NFILZ: variants seen among roughly 807,000 people sequenced by gnomAD.
NFILZ encodes NFIL3 like basic leucine zipper.
chr19:8,642,315 A>C (rs1315758965), intron 3 of NFILZ, among the ~76,000 whole-genome samples: 1 of 152,134 alleles, frequency 6.6e-6, no homozygotes, highest in African/African-American at 2.4e-5. Context: ...GATCACATGC[A>C]TGTCTTTGCC....
intron 3 of NFILZ, among the ~76,000 whole-genome samples, chr19:8,636,884 G>T (rs140866234): frequency 6.6e-6 from 1 of 152,120 alleles, no homozygotes; most frequent in African/African-American, 2.4e-5. Flanking sequence ...TAGCCATTGC[G>T]CCTGGCCTAT....
chr19:8,661,496 G>A (rs2043031804), intron 3 of NFILZ, among the ~76,000 whole-genome samples: 1 of 152,166 alleles, frequency 6.6e-6, no homozygotes, highest in Non-Finnish European at 1.5e-5. Context: ...TGTATGAGCT[G>A]ATGGGTTTGT....
chr19:8,678,091 T>TTCATTAGTTTATCCATCCCCATCCA lies in NFILZ; in HGVS notation c.*458_*459insATTAGTTTATCCATCCCCATCCATC, dbSNP rs2043122880. Among the ~76,000 whole-genome samples the TTCATTAGTTTATCCATCCCCATCCA allele has an allele frequency of 2.4e-4, 1 of 4,148 alleles. No individual in the cohort carries two copies. Among genetic ancestry groups the TTCATTAGTTTATCCATCCCCATCCA allele is most frequent in the Admixed American group, 2.3e-3 (1 of 440 alleles). The allele number at this position is 4,148 out of a possible 152,430, so 2.7% of individuals were successfully genotyped here. A position where few individuals can be genotyped will look rare whatever the true frequency, so the allele number is the denominator to read the frequency against. On this transcript the variant is annotated 3_prime_UTR_variant, in exon 6 of 6. Coordinates refer to ENST00000691075, the MANE Select transcript of NFILZ (RefSeq NM_001378600.1). ...ATCCATCCATCAATCCATCCATCCA[T>TTCATTAGTTTATCCATCCCCATCCA]TCCATCCATCCATCCATCCATCCAT...
chr19:8,667,085 C>T (rs1158616563), intron 3 of NFILZ, among the ~76,000 whole-genome samples: 1 of 151,966 alleles, frequency 6.6e-6, no homozygotes, highest in Admixed American at 6.6e-5. Context: ...TCCCACCCTG[C>T]CCTGTCAGGG....
In NFILZ at chr19:8,678,151, G is replaced by GTCCATCCATCCATCCACTTGTCCGTCCA. The variant is rs2043125823; in HGVS notation, c.*532_*533insCTTGTCCGTCCATCCATCCATCCATCCA. On this transcript the variant is annotated 3_prime_UTR_variant, in exon 6 of 6. Transcript: ENST00000691075. ...CCTCCATCCATTCATCCACTTGTCC[G>GTCCATCCATCCATCCACTTGTCCGTCCA]TCCATCCATCCATCCATCCATCCAT... is the stretch of plus-strand genomic sequence containing the variant. Among the ~76,000 whole-genome samples the GTCCATCCATCCATCCACTTGTCCGTCCA allele has an allele frequency of 2.0e-5, 1 of 48,970 alleles. No homozygotes were observed. Among genetic ancestry groups the GTCCATCCATCCATCCACTTGTCCGTCCA allele is most frequent in the Non-Finnish European group, 3.7e-5 (1 of 26,740 alleles). The allele number at this position is 48,970 out of a possible 152,430, so 32.1% of individuals were successfully genotyped here.
At position 8,680,061 on chromosome 19, in the gene NFILZ, T is replaced by G. The variant is rs2043138406; in HGVS notation, c.*2426T>G. 1.3e-5 allele frequency among the ~76,000 whole-genome samples: 2 copies of G among 151,884 alleles called. No homozygotes were observed. The highest frequency in any genetic ancestry group is 4.8e-5 in the African/African-American group (2 of 41,336). ...AAATACAAAAATTAGCCGGGCATGG[T>G]AGCGAGCGCCTGTAATCTCAGCTAC... On this transcript the variant is annotated 3_prime_UTR_variant, in exon 6 of 6. Transcript: ENST00000691075.
intron 3 of NFILZ, among the ~76,000 whole-genome samples, chr19:8,667,407 A>G (rs1274894026): frequency 6.6e-6 from 1 of 152,122 alleles, no homozygotes; most frequent in Non-Finnish European, 1.5e-5. Flanking sequence ...TCTGGGAACT[A>G]CAGTCATCCC....
intron 3 of NFILZ, among the ~76,000 whole-genome samples, chr19:8,640,316 GTTTT>G (rs71179871): frequency 0.013 from 1,625 of 124,228 alleles, 43 homozygotes; most frequent in African/African-American, 0.047. Flanking sequence ...TCCTGCTGTA[GTTTT>G]TTTTTTTTTT....
chr19:8,658,158 G>A (rs974809476), intron 3 of NFILZ, among the ~76,000 whole-genome samples: 9 of 152,178 alleles, frequency 5.9e-5, no homozygotes, highest in Admixed American at 1.3e-4. Flanking sequence ...GGAGGCCTGC[G>A]TGCCTGAAAC....
intron 3 of NFILZ, among the ~76,000 whole-genome samples, chr19:8,643,428 C>A (rs1423385238): frequency 6.6e-6 from 1 of 152,068 alleles, no homozygotes; most frequent in Non-Finnish European, 1.5e-5. Context: ...CATAAGACAC[C>A]CAGATATCTG....
intron 3 of NFILZ, among the ~76,000 whole-genome samples, chr19:8,658,052 C>T (rs2043013028): frequency 6.6e-6 from 1 of 152,108 alleles, no homozygotes. Flanking sequence ...ACCAGCCATG[C>T]AGATATCTGG....
At chr19:8,650,656 A>G (rs1212596119) in intron 3 of NFILZ, among the ~76,000 whole-genome samples, 1 of 141,998 alleles carries the variant, frequency 7.0e-6, no homozygotes, top group East Asian at 2.0e-4. Flanking sequence ...TCTGTCTCAA[A>G]AAAAAAAAAA....
chr19:8,653,046 C>CTT (rs1432181173), intron 3 of NFILZ, among the ~76,000 whole-genome samples: 1 of 50,710 alleles, frequency 2.0e-5, no homozygotes, highest in Non-Finnish European at 3.7e-5. Flanking sequence ...CTTTCTCTCT[C>CTT]TCTCTCTCTC....
chr19:8,660,403 A>G (rs1224583169), intron 3 of NFILZ, among the ~76,000 whole-genome samples: 1 of 150,748 alleles, frequency 6.6e-6, no homozygotes, highest in Non-Finnish European at 1.5e-5. Context: ...CGGCAGAGAC[A>G]TACACCAAGC....
chr19:8,654,247 A>AACAAAC (rs372870225), intron 3 of NFILZ, among the ~76,000 whole-genome samples: 69 of 151,228 alleles, frequency 4.6e-4, no homozygotes, highest in African/African-American at 1.6e-3. Flanking sequence ...CAAACAAACA[A>AACAAAC]AAACAAACAA....
rs2043127142 is a variant in NFILZ, at chr19:8,678,187, A to ACTTG, written c.*552_*553insCTTG. Among the ~76,000 whole-genome samples, 1 of 68,700 alleles carries ACTTG rather than the reference A, an allele frequency of 1.5e-5. No individual in the cohort carries two copies. The highest frequency in any genetic ancestry group is 5.8e-5 in the African/African-American group (1 of 17,240). 45.1% of individuals were successfully genotyped at this position (68,700 alleles called of 152,430 possible). ...CATCCATCCATCCATCCATCCATCC[A>ACTTG]TCCGTCCATCTATCCATCCATCCAT... On this transcript the variant is annotated 3_prime_UTR_variant, in exon 6 of 6. Transcript: ENST00000691075.
intron 3 of NFILZ, among the ~76,000 whole-genome samples, chr19:8,671,459 C>T (rs530750767): frequency 5.3e-5 from 8 of 152,182 alleles, no homozygotes; most frequent in Admixed American, 1.3e-4. Context: ...ACTCAGACCA[C>T]AGTGATAACA....
intron 3 of NFILZ, among the ~76,000 whole-genome samples, chr19:8,672,676 ATTAG>A (rs2043093912): frequency 1.3e-5 from 2 of 152,112 alleles, no homozygotes; most frequent in African/African-American, 4.8e-5. Context: ...CCATGCATTT[ATTAG>A]TTCATTCAAA....
chr19:8,675,651 C>T (rs2043107179), intron 4 of NFILZ, among the ~76,000 whole-genome samples: 1 of 152,138 alleles, frequency 6.6e-6, no homozygotes. Flanking sequence ...AGTGTAGTCC[C>T]AGCTACTTGG....
Sources: allele counts gnomAD v4.1 joint callset (sites outside exome capture counted in the v4.1 genomes callset), GRCh38; gene constraint gnomAD v4.1.1; transcripts MANE v1.5; gene names NCBI Gene and HGNC (gene_info 2026-07-23, HGNC 2026-07-21).